MDM1: variants seen among roughly 807,000 people sequenced by gnomAD.
MDM1 encodes stabilizer of axonemal microtubules 6.
In MDM1, 61 loss-of-function variants were observed where a neutral mutation model predicts 89.1. That is an observed-to-expected ratio of 0.68 (90% confidence interval 0.56 to 0.85). The LOEUF is 0.85. Among genes scored for constraint, MDM1 ranks in the 40% least tolerant of loss-of-function variants. The pLI, the probability that MDM1 is intolerant of heterozygous loss-of-function variation, is 0.00. For missense variants in MDM1, 820 were observed against 846.5 expected (o/e 0.97, Z 0.39); for synonymous variants, 290 against 294.1 (o/e 0.99, Z 0.14).
Position 68,331,233 on chromosome 12 carries a change from A to AAGT in MDM1, c.19-13_19-12insACT. The AAGT allele has an allele frequency of 7.0e-7, 1 of 1,424,844 alleles. No individual in the cohort carries two copies. Among genetic ancestry groups the AAGT allele is most frequent in the Non-Finnish European group, 9.9e-7 (1 of 1,007,414 alleles). The allele number at this position is 1,424,844 out of a possible 1,614,324, so 88.3% of individuals were successfully genotyped here. ...TATTCACTCAGCCCCTGTAATGCAA[A>AAGT]GTACACTTTTGAGTACAGTCCAATT... On this transcript the variant is annotated splice_polypyrimidine_tract_variant and intron_variant, in intron 1 of 14. Coordinates refer to ENST00000682720, the MANE Select transcript of MDM1 (RefSeq NM_001354969.2).
chr12:68,304,881 T>C (rs958806298), intron 12 of MDM1, among the ~76,000 whole-genome samples: 2 of 152,218 alleles, frequency 1.3e-5, no homozygotes, highest in Admixed American at 1.3e-4. Context: ...TCCAGAGGTT[T>C]CCCAGTGACA....
rs1275054461 is a variant in MDM1, at chr12:68,310,625, A to T, written c.1749+2818T>A. The stretch of plus-strand genomic sequence containing the variant: ...TCCTTTAATAAACCAGTGTATACAT[A>T]AGCAACAGGAAATAGTTTTGATATT... On this transcript the variant is annotated intron_variant, in intron 12 of 14. Transcript: ENST00000682720. 2.6e-5 allele frequency among the ~76,000 whole-genome samples: 4 copies of T among 152,306 alleles called. No individual in the cohort carries two copies. The East Asian group carries it at 5.8e-4, about 22-fold the overall frequency.
chr12:68,316,276 C>CA (rs1479779988), intron 8 of MDM1, 23 bp from the exon 9 acceptor site: 1 of 1,592,494 alleles, frequency 6.3e-7, no homozygotes, highest in South Asian at 1.1e-5. Flanking sequence ...GTTCAGACAT[C>CA]ATATACTATT....
At chr12:68,312,224 A>G (rs1188922596) in intron 12 of MDM1, among the ~76,000 whole-genome samples, 1 of 152,158 alleles carries the variant, frequency 6.6e-6, no homozygotes, top group African/African-American at 2.4e-5. Flanking sequence ...CTTCTCCTCT[A>G]CACTCCAAAC....
chr12:68,295,089 T>G lies in MDM1; in HGVS notation c.*165A>C. 2.3e-6 allele frequency: 1 copy of G among 443,710 alleles called. No individual in the cohort carries two copies. Among genetic ancestry groups the G allele is most frequent in the Non-Finnish European group, 4.1e-6 (1 of 243,592 alleles). The allele number at this position is 443,710 out of a possible 1,614,324, so 27.5% of individuals were successfully genotyped here. ...AAAAGAATTCTTTAAAAGTTAAATT[T>G]GTATAAGCCTATGTTAACAATTTCC... On this transcript the variant is annotated 3_prime_UTR_variant, in exon 15 of 15. Transcript: ENST00000682720.
Position 68,313,674 on chromosome 12 carries a change from T to C in MDM1, c.1609A>G (p.Thr537Ala). ...KLRELGGIQR[T>A]HHDLTTPAVG... Reference sequence around the variant, plus strand: ...GCTGGAGTAGTGAGATCATGATGAGTCCTCTGGATTCCACCAAGTTCTCTC... The same window carrying C: ...GCTGGAGTAGTGAGATCATGATGAGCCCTCTGGATTCCACCAAGTTCTCTC... Residue 537 changes from threonine (T) to alanine (A), a missense_variant, in exon 11 of 15, where the codon ACT (threonine) becomes GCT (alanine). Thr to Ala is a moderately conservative substitution (Grantham distance 58). Transcript: ENST00000682720. 6.2e-7 allele frequency: 1 copy of C among 1,613,972 alleles called. No homozygotes were observed. The highest frequency in any genetic ancestry group is 8.5e-7 in the Non-Finnish European group (1 of 1,179,936).
chr12:68,300,844 A>G (rs1436543917), intron 13 of MDM1, among the ~76,000 whole-genome samples: 3 of 152,224 alleles, frequency 2.0e-5, no homozygotes, highest in African/African-American at 7.2e-5. Flanking sequence ...ATTCTACCCA[A>G]CAATTGTAGA....
intron 13 of MDM1, among the ~76,000 whole-genome samples, chr12:68,302,149 T>G (rs1592945009): frequency 1.3e-5 from 2 of 152,284 alleles, no homozygotes; most frequent in South Asian, 2.1e-4. Flanking sequence ...TCCCAAAAGC[T>G]GCCAGAAAGA....
intron 12 of MDM1, among the ~76,000 whole-genome samples, chr12:68,312,216 TCTC>T (rs768911572): frequency 1.1e-4 from 16 of 151,908 alleles, no homozygotes; most frequent in Non-Finnish European, 2.4e-4. Context: ...TAGCCCAACT[TCTC>T]CTCTACACTC....
intron 2 of MDM1, among the ~76,000 whole-genome samples, chr12:68,330,057 T>A (rs997902428): frequency 1.3e-5 from 2 of 152,152 alleles, no homozygotes; most frequent in African/African-American, 2.4e-5. Context: ...AGCTCAAATA[T>A]CACCTCCTCA....
intron 2 of MDM1, among the ~76,000 whole-genome samples, chr12:68,329,605 C>T (rs1056806987): frequency 2.0e-5 from 3 of 152,208 alleles, no homozygotes; most frequent in African/African-American, 7.2e-5. Flanking sequence ...CAACATCACA[C>T]AGCTATTATA....
At chr12:68,326,270 T>C in intron 3 of MDM1, 2 of 1,209,322 alleles carry the variant, frequency 1.7e-6, no homozygotes, top group African/African-American at 1.5e-5. Context: ...GTTTGTCTTC[T>C]TGTACACGAT....
chr12:68,325,891 G>A, intron 3 of MDM1: 1 of 1,009,202 alleles, frequency 9.9e-7, no homozygotes, highest in African/African-American at 1.7e-5. Context: ...AAAAGTCCCA[G>A]CACTTTGCCT....
Position 68,332,250 on chromosome 12 carries a change from C to A in MDM1, c.-5G>T, listed in dbSNP as rs777904403. 6.9e-6 allele frequency: 11 copies of A among 1,583,030 alleles called. No homozygotes were observed. The highest frequency in any genetic ancestry group is 9.4e-6 in the Non-Finnish European group (11 of 1,165,602). On this transcript the variant is annotated 5_prime_UTR_variant, in exon 1 of 15. Coordinates refer to ENST00000682720, the MANE Select transcript of MDM1 (RefSeq NM_001354969.2). ...CACCTTGAAGCGCACCGGCATGTCG[C>A]CCGGCGCCGGAGCCCCCGCTACTCC...
At position 68,315,051 on chromosome 12, in the gene MDM1, T is replaced by G. The variant is rs768567282; in HGVS notation, c.1426A>C (p.Asn476His). Residue 476 changes from asparagine to histidine, a missense_variant, in exon 10 of 15, where the codon AAT becomes CAT. Physicochemically the swap from Asn to His is moderately conservative, Grantham distance 68 (BLOSUM62 1). Transcript: ENST00000682720. Reference sequence around the variant, plus strand: ...GTTTTCCTGTCCCCTTCCTCTTCATTGTCGTCCTCCTCCTCTTTCTCCCCG... The same window carrying G: ...GTTTTCCTGTCCCCTTCCTCTTCATGGTCGTCCTCCTCCTCTTTCTCCCCG... ...QPGEKEEEDD[N>H]EEEGDRKTGK... 10 of 1,614,164 alleles carry G rather than the reference T, an allele frequency of 6.2e-6. No homozygotes were observed. Among genetic ancestry groups the G allele is most frequent in the Non-Finnish European group, 8.5e-6 (10 of 1,180,030 alleles).
rs139539031 is a variant in MDM1 at position 68,304,583 on chromosome 12, G to C, written c.1750-1711C>G. ...ATACAAATAATTCCAAAGAGAAATTGTTCTTTTTTTTTCCTTTTTCTATAT... is the reference window on the plus strand; with the variant it reads ...ATACAAATAATTCCAAAGAGAAATTCTTCTTTTTTTTTCCTTTTTCTATAT... On this transcript the variant is annotated intron_variant, in intron 12 of 14. Coordinates refer to ENST00000682720, the MANE Select transcript of MDM1 (RefSeq NM_001354969.2). 2.1e-3 allele frequency among the ~76,000 whole-genome samples: 322 copies of C among 152,122 alleles called. 2 individuals carry two copies. The highest frequency in any genetic ancestry group is 7.4e-3 in the African/African-American group (306 of 41,492).
At chr12:68,306,281 G>A (rs1445764144) in intron 12 of MDM1, among the ~76,000 whole-genome samples, 1 of 152,132 alleles carries the variant, frequency 6.6e-6, no homozygotes, top group Non-Finnish European at 1.5e-5. Flanking sequence ...ATGGATTAAA[G>A]ACTTCAATGT....
intron 13 of MDM1, among the ~76,000 whole-genome samples, chr12:68,297,661 G>A (rs1424517393): frequency 6.6e-6 from 1 of 152,156 alleles, no homozygotes; most frequent in Non-Finnish European, 1.5e-5. Flanking sequence ...TTCCCAAAGA[G>A]GCATGGAAGT....
chr12:68,329,027 T>C (rs1876412141), intron 2 of MDM1, among the ~76,000 whole-genome samples: 1 of 152,218 alleles, frequency 6.6e-6, no homozygotes, highest in South Asian at 2.1e-4. Context: ...TAAGCTGAAA[T>C]GTTATTGGAC....
Sources: gnomAD v4.1 joint callset for allele counts (sites outside exome capture counted in the v4.1 genomes callset) on GRCh38, gnomAD v4.1.1 for gene constraint, MANE v1.5 for transcripts, NCBI Gene and HGNC (gene_info 2026-07-23, HGNC 2026-07-21) for gene names.